ANKRD11: variants seen among roughly 807,000 people sequenced by gnomAD.
ANKRD11 encodes ankyrin repeat domain 11.
ANKRD11 carries 17 observed loss-of-function variants against 195.7 expected under a neutral mutation model. The observed-to-expected ratio is 0.09, with a 90% CI of 0.06 to 0.13. ANKRD11 has a LOEUF of 0.13. Among genes scored for constraint, ANKRD11 ranks in the 10% least tolerant of loss-of-function variants. The pLI, the probability that ANKRD11 is intolerant of heterozygous loss-of-function variation, is 1.00. For synonymous variants in ANKRD11, 1,953 were observed against 1,528.1 expected (o/e 1.28, Z -6.49); for missense variants, 3,735 against 3,566.1 (o/e 1.05, Z -1.21).
At chr16:89,458,331 T>C (rs1480769544) in intron 1 of ANKRD11, among the ~76,000 whole-genome samples, 1 of 152,020 alleles carries the variant, frequency 6.6e-6, no homozygotes, top group Non-Finnish European at 1.5e-5. Flanking sequence ...TTCAGGCCAT[T>C]CTCCTGCCTC....
In ANKRD11 at chr16:89,360,264, T is replaced by C. The variant is rs145968125; in HGVS notation, c.-59-43186A>G. On this transcript the variant is annotated intron_variant, in intron 2 of 12. Transcript: ENST00000301030. ...GTTCATTTTTATGGCTATGTTATCT[T>C]ATCTTATTTTGTATTAGGGATGGGG... Among the ~76,000 whole-genome samples, 797 of 152,302 alleles carry C rather than the reference T, an allele frequency of 5.2e-3. 9 individuals carry two copies. The highest frequency in any genetic ancestry group is 0.018 in the African/African-American group (749 of 41,556).
At position 89,297,310 on chromosome 16, in the gene ANKRD11, C is replaced by T. The variant is rs74317208; in HGVS notation, c.227-6127G>A. Among the ~76,000 whole-genome samples, 20 of 152,350 alleles carry T rather than the reference C, an allele frequency of 1.3e-4. No homozygotes were observed. The East Asian group carries it at 1.5e-3, about 12-fold the overall frequency. ...ACGTCAAAATACATTCTTGATTCTGCTCCACAAAGGGATGTTTCCATGGCG... is the reference window on the plus strand; with the variant it reads ...ACGTCAAAATACATTCTTGATTCTGTTCCACAAAGGGATGTTTCCATGGCG... On this transcript the variant is annotated intron_variant, in intron 4 of 12. Transcript: ENST00000301030.
Position 89,456,260 on chromosome 16 carries a change from A to C in ANKRD11, c.-145+33985T>G, listed in dbSNP as rs572154090. ...GTCCCAAAAAAAAAAGGGGGGGTGG[A>C]AACGGGGGCCAGGCAAGCTGGCTCA... On this transcript the variant is annotated intron_variant, in intron 1 of 12. Coordinates refer to ENST00000301030, the MANE Select transcript of ANKRD11 (RefSeq NM_013275.6). Among the ~76,000 whole-genome samples, 12 of 151,072 alleles carry C rather than the reference A, an allele frequency of 7.9e-5. No homozygotes were observed. The South Asian group carries it at 2.5e-3, about 32-fold the overall frequency.
At chr16:89,473,179 C>CAAAA (rs5818721) in intron 1 of ANKRD11, among the ~76,000 whole-genome samples, 1 of 142,562 alleles carries the variant, frequency 7.0e-6, no homozygotes. Flanking sequence ...GACCCTGCCT[C>CAAAA]AAAAAAAAAA....
At chr16:89,405,440 C>T (rs77556206) in intron 2 of ANKRD11, among the ~76,000 whole-genome samples, 2,998 of 151,414 alleles carry the variant, frequency 0.02, 97 homozygotes, top group African/African-American at 0.069. Flanking sequence ...CCTCCCACCT[C>T]GGCTTCCCCA....
chr16:89,383,409 C>A (rs1385479471), intron 2 of ANKRD11, among the ~76,000 whole-genome samples: 2 of 152,212 alleles, frequency 1.3e-5, no homozygotes, highest in African/African-American at 4.8e-5. Context: ...ATGGCTGTCC[C>A]CACACTCTGG....
intron 2 of ANKRD11, among the ~76,000 whole-genome samples, chr16:89,335,249 C>A (rs2038290003): frequency 6.6e-6 from 1 of 152,156 alleles, no homozygotes; most frequent in Non-Finnish European, 1.5e-5. Context: ...GTGACAGCCT[C>A]ACACCACCCC....
intron 2 of ANKRD11, chr16:89,361,529 G>A (rs927484810): frequency 2.0e-5 from 3 of 152,234 alleles, no homozygotes; most frequent in African/African-American, 7.2e-5. Flanking sequence ...TTTCTTCTTT[G>A]GTTATGATGC....
At position 89,305,198 on chromosome 16, in the gene ANKRD11, G is replaced by T. The variant is rs746997828; in HGVS notation, c.226+8C>A. The T allele has an allele frequency of 6.2e-7, 1 of 1,610,968 alleles. No individual in the cohort carries two copies. The highest frequency in any genetic ancestry group is 1.1e-5 in the South Asian group (1 of 91,020). On this transcript the variant is annotated splice_region_variant and intron_variant, in intron 4 of 12. Coordinates refer to ENST00000301030, the MANE Select transcript of ANKRD11 (RefSeq NM_013275.6). ...GGGCTGACTGCAGGAGGGGCCGCGGGCTGGTACCTGTGTCCGAGTCCTTCT... is the reference window on the plus strand; with the variant it reads ...GGGCTGACTGCAGGAGGGGCCGCGGTCTGGTACCTGTGTCCGAGTCCTTCT...
At chr16:89,421,541 C>T (rs1446582717) in intron 1 of ANKRD11, among the ~76,000 whole-genome samples, 1 of 109,698 alleles carries the variant, frequency 9.1e-6, no homozygotes, top group East Asian at 2.6e-4. Flanking sequence ...AGGGATGGGA[C>T]CATCACCCGT....
intron 2 of ANKRD11, among the ~76,000 whole-genome samples, chr16:89,330,810 G>A (rs1188288061): frequency 6.6e-6 from 1 of 152,240 alleles, no homozygotes; most frequent in South Asian, 2.1e-4. Context: ...CTTCTGAAGG[G>A]AGGCAGATCA....
In ANKRD11 at chr16:89,283,660, C is replaced by T. The variant is rs750887042; in HGVS notation, c.2882G>A (p.Arg961His). The T allele has an allele frequency of 1.8e-5, 29 of 1,611,660 alleles. No homozygotes were observed. The highest frequency in any genetic ancestry group is 2.7e-5 in the African/African-American group (2 of 74,942). ...CTCGGGCTTGGCCCTGCCGTCCCTG[C>T]GCTCCTTGCAGCTCTCCAGGGCGTC... is the stretch of plus-strand genomic sequence containing the variant. Reference protein sequence around the residue: ...RKDALESCKERRDGRAKPEEA... With the variant: ...RKDALESCKEHRDGRAKPEEA... Residue 961 changes from arginine to histidine, a missense_variant, in exon 9 of 13, where the codon CGC (arginine) becomes CAC (histidine). Transcript: ENST00000301030. The surrounding 1 kb of genome is among the most constrained non-coding windows in gnomAD (Gnocchi z 4.3).
chr16:89,425,874 A>C (rs1256431559), intron 1 of ANKRD11, among the ~76,000 whole-genome samples: 1 of 152,210 alleles, frequency 6.6e-6, no homozygotes, highest in Non-Finnish European at 1.5e-5. Flanking sequence ...GTTTCTTTTT[A>C]CTACAGGAAA....
chr16:89,368,371 G>GTTTTTTT (rs71134210), intron 2 of ANKRD11, among the ~76,000 whole-genome samples: 1 of 56,594 alleles, frequency 1.8e-5, no homozygotes, highest in Non-Finnish European at 3.7e-5. Flanking sequence ...TAATTTTTGT[G>GTTTTTTT]TTTTTTTTTT....
chr16:89,383,372 A>G (rs2040749816), intron 2 of ANKRD11, among the ~76,000 whole-genome samples: 1 of 152,246 alleles, frequency 6.6e-6, no homozygotes, highest in African/African-American at 2.4e-5. Context: ...TGACCTCCTG[A>G]GAGAACAAGA....
intron 1 of ANKRD11, chr16:89,431,141 C>CT (rs1567795798): frequency 6.6e-6 from 1 of 152,108 alleles, no homozygotes; most frequent in African/African-American, 2.4e-5. Flanking sequence ...AAACCTGCCT[C>CT]TTTGTTTATT....
At chr16:89,360,730 G>T (rs1472807382) in intron 2 of ANKRD11, 5 of 152,246 alleles carry the variant, frequency 3.3e-5, no homozygotes, top group Non-Finnish European at 2.9e-5. Context: ...CCAGGTGTGT[G>T]TGTCTGTCAT....
At chr16:89,449,129 T>C (rs575690146) in intron 1 of ANKRD11, among the ~76,000 whole-genome samples, 3 of 151,038 alleles carry the variant, frequency 2.0e-5, no homozygotes, top group Non-Finnish European at 4.4e-5. Flanking sequence ...GGCCGGAGGA[T>C]TGCTTGAGCC....
At chr16:89,374,243 G>C (rs1467832865) in intron 2 of ANKRD11, among the ~76,000 whole-genome samples, 2 of 151,928 alleles carry the variant, frequency 1.3e-5, no homozygotes, top group Non-Finnish European at 2.9e-5. Flanking sequence ...AAATCAATGA[G>C]ATTTTATGCT....
Sources: gnomAD v4.1 joint callset for allele counts (sites outside exome capture counted in the v4.1 genomes callset) on GRCh38, gnomAD v4.1.1 for gene constraint, Gnocchi (gnomAD v3.1) non-coding constraint, MANE v1.5 for transcripts, NCBI Gene and HGNC (gene_info 2026-07-23, HGNC 2026-07-21) for gene names.